The following CCDC192 variants were observed in gnomAD, a reference collection of about 807,000 sequenced individuals.
CCDC192 encodes the protein coiled-coil domain-containing protein 192.
chr5:127,713,500 C>G (rs1192940850), intron 2 of CCDC192, among the ~76,000 whole-genome samples: 2 of 152,116 alleles, frequency 1.3e-5, no homozygotes, highest in Non-Finnish European at 2.9e-5. Flanking sequence ...TTTCTCCTGT[C>G]TGTACCTGGT....
At chr5:127,807,157 G>GT (rs1272340870) in intron 5 of CCDC192, among the ~76,000 whole-genome samples, 1 of 152,184 alleles carries the variant, frequency 6.6e-6, no homozygotes, top group East Asian at 1.9e-4. Context: ...CCAGAACATA[G>GT]TAAGTGTTCA....
intron 2 of CCDC192, among the ~76,000 whole-genome samples, chr5:127,714,046 T>C (rs887363359): frequency 1.3e-5 from 2 of 152,220 alleles, no homozygotes; most frequent in African/African-American, 4.8e-5. Context: ...TCTATTTCTA[T>C]GAAATTGATT....
intron 6 of CCDC192, among the ~76,000 whole-genome samples, chr5:127,933,254 A>G (rs1754095107): frequency 6.6e-6 from 1 of 152,194 alleles, no homozygotes; most frequent in Non-Finnish European, 1.5e-5. Context: ...TCGCTGGAGG[A>G]TTGTAGGCGA....
chr5:127,771,323 T>C (rs1472196074), intron 3 of CCDC192, among the ~76,000 whole-genome samples: 2 of 152,234 alleles, frequency 1.3e-5, no homozygotes, highest in East Asian at 3.8e-4. Context: ...AGTACCTATT[T>C]CTGACTCCTT....
intron 5 of CCDC192, among the ~76,000 whole-genome samples, chr5:127,851,614 C>T (rs1201803650): frequency 3.9e-5 from 6 of 152,150 alleles, no homozygotes; most frequent in Non-Finnish European, 7.3e-5. Flanking sequence ...CACGCCACCA[C>T]ACCTGGCTAA....
chr5:127,716,067 T>C (rs1211844651), intron 2 of CCDC192, among the ~76,000 whole-genome samples: 2 of 152,218 alleles, frequency 1.3e-5, no homozygotes, highest in Non-Finnish European at 1.5e-5. Flanking sequence ...ATTCCTTCTA[T>C]ACCAAATTTG....
At chr5:127,785,802 T>C in intron 3 of CCDC192, 1 of 315,724 alleles carries the variant, frequency 3.2e-6, no homozygotes, top group Admixed American at 3.8e-5. Context: ...TCATGGGAGT[T>C]ACTGGATAAA....
chr5:127,924,968 C>T (rs1052740057), intron 6 of CCDC192, among the ~76,000 whole-genome samples: 10 of 152,160 alleles, frequency 6.6e-5, no homozygotes, highest in Non-Finnish European at 1.5e-4. Flanking sequence ...AATTTTTTGA[C>T]ATCTCTAAAA....
chr5:127,835,695 G>T (rs1191195251), intron 5 of CCDC192, among the ~76,000 whole-genome samples: 1 of 152,180 alleles, frequency 6.6e-6, no homozygotes, highest in African/African-American at 2.4e-5. Context: ...AGGCAAGAGA[G>T]AAAGTGTGTG....
Position 127,941,424 on chromosome 5 carries a change from T to C in CCDC192, c.778T>C (p.Ser260Pro). 2.5e-6 allele frequency: 1 copy of C among 399,086 alleles called. No individual in the cohort carries two copies. The highest frequency in any genetic ancestry group is 4.4e-6 in the Non-Finnish European group (1 of 226,066). 24.7% of individuals were successfully genotyped at this position (399,086 alleles called of 1,614,324 possible). A position where few individuals can be genotyped will look rare whatever the true frequency, so the allele number is the denominator to read the frequency against. ...ATGTTTACCAGAAGCCCCAGTTTTC[T>C]CTACTCATGACATCCCACCTGTGGT... ...PGCLPEAPVF[S>P]THDIPPVVSD... The change falls in exon 7 of 7, where the codon TCT becomes CCT. Residue 260 changes from serine to proline, a missense_variant. By Grantham distance (74) the Ser-to-Pro change is moderately conservative. Coordinates refer to ENST00000514853, the MANE Select transcript of CCDC192 (RefSeq NM_001317938.2).
At chr5:127,894,746 T>A (rs1312278455) in intron 6 of CCDC192, among the ~76,000 whole-genome samples, 1 of 152,202 alleles carries the variant, frequency 6.6e-6, no homozygotes, top group Non-Finnish European at 1.5e-5. Flanking sequence ...CTGACAAAAG[T>A]AAGAAATCTG....
At chr5:127,812,018 C>T (rs1374736200) in intron 5 of CCDC192, among the ~76,000 whole-genome samples, 1 of 152,156 alleles carries the variant, frequency 6.6e-6, no homozygotes, top group East Asian at 1.9e-4. Flanking sequence ...CCCAGCTCTA[C>T]CAGTTACTAG....
At chr5:127,751,288 G>A (rs1025171407) in intron 2 of CCDC192, among the ~76,000 whole-genome samples, 4 of 152,024 alleles carry the variant, frequency 2.6e-5, no homozygotes, top group Non-Finnish European at 5.9e-5. Flanking sequence ...CTTCCTTCAA[G>A]AGCTCTTTTA....
chr5:127,845,418 T>C (rs2127072488), intron 5 of CCDC192, among the ~76,000 whole-genome samples: 1 of 152,296 alleles, frequency 6.6e-6, no homozygotes, highest in Middle Eastern at 3.4e-3. Context: ...TTTATAGCTG[T>C]GAATAGTACT....
intron 5 of CCDC192, among the ~76,000 whole-genome samples, chr5:127,815,863 G>A (rs1748999934): frequency 6.6e-6 from 1 of 150,566 alleles, no homozygotes; most frequent in Non-Finnish European, 1.5e-5. Flanking sequence ...GCGAGACTCT[G>A]TCTGAAAAAA....
chr5:127,730,329 GT>G (rs1258853286), intron 2 of CCDC192, among the ~76,000 whole-genome samples: 1 of 152,066 alleles, frequency 6.6e-6, no homozygotes, highest in Admixed American at 6.6e-5. Context: ...CCAATATGAA[GT>G]TGATATCTGA....
At chr5:127,911,364 G>C (rs1753341154) in intron 6 of CCDC192, among the ~76,000 whole-genome samples, 1 of 152,150 alleles carries the variant, frequency 6.6e-6, no homozygotes. Flanking sequence ...AGAGAAGCTG[G>C]GAGCTAAACC....
intron 5 of CCDC192, among the ~76,000 whole-genome samples, chr5:127,863,025 A>G (rs1751437197): frequency 6.6e-6 from 1 of 152,164 alleles, no homozygotes; most frequent in South Asian, 2.1e-4. Context: ...TACCAGAACC[A>G]TATAATAAGA....
intron 6 of CCDC192, among the ~76,000 whole-genome samples, chr5:127,919,332 G>A (rs1753639609): frequency 6.6e-6 from 1 of 151,886 alleles, no homozygotes; most frequent in African/African-American, 2.4e-5. Flanking sequence ...CATACCACAG[G>A]ACAAACTACA....
Sources: allele counts gnomAD v4.1 joint callset (sites outside exome capture counted in the v4.1 genomes callset), GRCh38; gene constraint gnomAD v4.1.1; transcripts MANE v1.5; gene names NCBI Gene and HGNC (gene_info 2026-07-23, HGNC 2026-07-21).